MALRD1: variants seen among roughly 807,000 people sequenced by gnomAD.
The protein encoded by MALRD1 is MAM and LDL receptor class A domain containing 1, also known as MAM and LDL-receptor class A domain-containing protein 1.
MALRD1 carries 247 observed loss-of-function variants against 242.1 expected under a neutral mutation model. That is an observed-to-expected ratio of 1.02 (90% confidence interval 0.92 to 1.13). The LOEUF (loss-of-function observed/expected upper bound fraction) is 1.13. Among genes scored for constraint, MALRD1 ranks in the 50% most tolerant of loss-of-function variants. The pLI, the probability that MALRD1 is intolerant of heterozygous loss-of-function variation, is 0.00. For synonymous variants in MALRD1, 995 were observed against 866.6 expected, an observed-to-expected ratio of 1.15 and a Z score of -2.60; for missense variants, 2,989 against 2,533.1, an observed-to-expected ratio of 1.18 and a Z score of -3.86.
intron 28 of MALRD1, among the ~76,000 whole-genome samples, chr10:19,403,039 C>A (rs1235236564): frequency 6.6e-6 from 1 of 151,952 alleles, no homozygotes; most frequent in Non-Finnish European, 1.5e-5. Context: ...CTTAAAGAAG[C>A]TTAACTATAA....
chr10:19,485,696 A>T (rs1837208044), intron 29 of MALRD1, among the ~76,000 whole-genome samples: 1 of 151,986 alleles, frequency 6.6e-6, no homozygotes. Flanking sequence ...GTAGCTTTTT[A>T]AAAAAGCAAT....
chr10:19,184,836 C>G (rs1321981903), intron 14 of MALRD1, among the ~76,000 whole-genome samples: 1 of 152,184 alleles, frequency 6.6e-6, no homozygotes, highest in Non-Finnish European at 1.5e-5. Context: ...GCATGAGCTG[C>G]CATGCCTGGC....
intron 36 of MALRD1, among the ~76,000 whole-genome samples, chr10:19,687,037 C>T (rs1355325290): frequency 6.0e-5 from 9 of 151,174 alleles, no homozygotes; most frequent in Non-Finnish European, 5.9e-5. Context: ...TTTTTCCCTC[C>T]TATTAAGCTT....
intron 28 of MALRD1, among the ~76,000 whole-genome samples, chr10:19,412,026 C>T (rs1429870681): frequency 6.6e-6 from 1 of 152,170 alleles, no homozygotes; most frequent in African/African-American, 2.4e-5. Context: ...TGGCTGGGTG[C>T]AGTGACTCAC....
intron 33 of MALRD1, among the ~76,000 whole-genome samples, chr10:19,584,506 T>C (rs1837292695): frequency 6.6e-6 from 1 of 152,182 alleles, no homozygotes; most frequent in African/African-American, 2.4e-5. Context: ...CAGGAGCAGG[T>C]TGGTCAGTTT....
rs183522706 is a variant in MALRD1 at position 19,228,468 on chromosome 10, G to C, written c.2991+18788G>C. Among the ~76,000 whole-genome samples, 73 of 152,236 alleles carry C rather than the reference G, an allele frequency of 4.8e-4. 2 individuals are homozygous for C. Among genetic ancestry groups the C allele is most frequent in the Admixed American group, 4.3e-3 (65 of 15,290 alleles). On this transcript the variant is annotated intron_variant, in intron 18 of 39. Coordinates refer to ENST00000454679, the MANE Select transcript of MALRD1 (RefSeq NM_001142308.3). The stretch of plus-strand genomic sequence containing the variant: ...TTTTCTGTATCTTGATCATGATTGT[G>C]GTCAAATGATGATATTCATCTGCCA...
At chr10:19,155,426 A>C (rs745402189) in intron 12 of MALRD1, among the ~76,000 whole-genome samples, 1 of 152,238 alleles carries the variant, frequency 6.6e-6, no homozygotes, top group African/African-American at 2.4e-5. Context: ...TCATTTCAAT[A>C]ATCTAAAGCT....
chr10:19,624,796 G>A (rs1160658257), intron 36 of MALRD1, among the ~76,000 whole-genome samples: 1 of 151,172 alleles, frequency 6.6e-6, no homozygotes, highest in Non-Finnish European at 1.5e-5. Flanking sequence ...AACCTGGGAG[G>A]TGGAGGTTGA....
intron 28 of MALRD1, among the ~76,000 whole-genome samples, chr10:19,398,348 A>C (rs541641689): frequency 3.7e-4 from 56 of 152,194 alleles, no homozygotes; most frequent in African/African-American, 1.3e-3. Context: ...ATTAATACCA[A>C]TTATTAAAAT....
chr10:19,328,105 G>T (rs1843212534), intron 23 of MALRD1, among the ~76,000 whole-genome samples: 2 of 151,968 alleles, frequency 1.3e-5, no homozygotes, highest in South Asian at 4.1e-4. Context: ...AATATTTTTG[G>T]GGGGCACAGT....
intron 31 of MALRD1, among the ~76,000 whole-genome samples, chr10:19,515,950 C>A (rs367812788): frequency 2.0e-5 from 3 of 152,158 alleles, no homozygotes; most frequent in Non-Finnish European, 4.4e-5. Context: ...ATTACTTACA[C>A]CTATTTAATT....
chr10:19,659,496 T>C (rs1456133327), intron 36 of MALRD1, among the ~76,000 whole-genome samples: 2 of 152,174 alleles, frequency 1.3e-5, no homozygotes. Flanking sequence ...ACCACTGATA[T>C]ATAGATAACC....
intron 21 of MALRD1, among the ~76,000 whole-genome samples, chr10:19,308,116 A>T (rs1008407499): frequency 6.6e-6 from 1 of 151,512 alleles, no homozygotes; most frequent in African/African-American, 2.4e-5. Flanking sequence ...GTCAAGTAGT[A>T]GGTATTATTG....
chr10:19,697,250 G>A (rs1042834066), intron 38 of MALRD1, among the ~76,000 whole-genome samples: 1 of 152,136 alleles, frequency 6.6e-6, no homozygotes, highest in Non-Finnish European at 1.5e-5. Flanking sequence ...AGAAATCCAA[G>A]TAAGAGTTGA....
At chr10:19,587,146 A>G (rs1216567924) in intron 33 of MALRD1, among the ~76,000 whole-genome samples, 1 of 152,198 alleles carries the variant, frequency 6.6e-6, no homozygotes, top group African/African-American at 2.4e-5. Flanking sequence ...TAGTGAGATG[A>G]ACCCGGTACC....
intron 29 of MALRD1, 91 bp from the exon 30 acceptor site, chr10:19,491,426 A>G (rs1837487549): frequency 4.2e-6 from 6 of 1,417,750 alleles, no homozygotes; most frequent in African/African-American, 1.4e-5. Context: ...CTTGCTTACT[A>G]GTGTGAAATC....
intron 14 of MALRD1, among the ~76,000 whole-genome samples, chr10:19,197,262 G>A (rs1398032531): frequency 6.6e-6 from 1 of 152,092 alleles, no homozygotes; most frequent in Non-Finnish European, 1.5e-5. Flanking sequence ...TTCAAGATGA[G>A]ATTTTGGTGG....
chr10:19,699,681 G>T (rs1302892324), intron 38 of MALRD1, among the ~76,000 whole-genome samples: 3 of 152,108 alleles, frequency 2.0e-5, no homozygotes, highest in African/African-American at 7.2e-5. Flanking sequence ...ATCTGCTTCT[G>T]GGTAGGCTTC....
intron 32 of MALRD1, among the ~76,000 whole-genome samples, chr10:19,534,073 A>T (rs10827534): frequency 0.7 from 106,402 of 152,080 alleles, 40,635 homozygotes; most frequent in Non-Finnish European, 0.84. Context: ...CACAGAGCTA[A>T]AGAAAGGGGA....
Sources: gnomAD v4.1 joint callset for allele counts (sites outside exome capture counted in the v4.1 genomes callset) on GRCh38, gnomAD v4.1.1 for gene constraint, MANE v1.5 for transcripts, NCBI Gene and HGNC (gene_info 2026-07-23, HGNC 2026-07-21) for gene names.